SPATA13: variants seen among roughly 807,000 people sequenced by gnomAD.
The protein encoded by SPATA13 is spermatogenesis associated 13.
In SPATA13, 50 loss-of-function variants were observed where a neutral mutation model predicts 104.0. The ratio of observed to expected loss-of-function variants is 0.48; its 90% CI spans 0.38 to 0.61. The LOEUF is 0.61. Among genes scored for constraint, SPATA13 ranks in the 20% least tolerant of loss-of-function variants. The probability of loss-of-function intolerance (pLI) is 0.00; values close to 1 mark genes in which losing one functional copy is unlikely to be tolerated. For synonymous variants in SPATA13, 606 were observed against 667.5 expected (o/e 0.91, Z 1.42); for missense variants, 1,524 against 1,690.6 (o/e 0.90, Z 1.73).
intron 1 of SPATA13, among the ~76,000 whole-genome samples, chr13:24,191,120 T>C (rs1162242931): frequency 1.3e-5 from 2 of 152,120 alleles, no homozygotes; most frequent in Admixed American, 1.3e-4. Flanking sequence ...TCTTTTTAAA[T>C]TTATTAATTA....
chr13:24,017,121 GTA>G (rs148023450), intron 2 of SPATA13, among the ~76,000 whole-genome samples: 301 of 152,310 alleles, frequency 2.0e-3, no homozygotes, highest in African/African-American at 6.9e-3. Flanking sequence ...GAGAGTTGAG[GTA>G]ACATCAGTAG....
chr13:24,123,350 GA>G, intron 3 of SPATA13: 5 of 1,320,544 alleles, frequency 3.8e-6, no homozygotes, highest in Non-Finnish European at 5.5e-6. Flanking sequence ...TCACTTCACA[GA>G]AATAGTGAAT....
In SPATA13 at chr13:24,302,803, G is replaced by C; in HGVS notation, c.*30G>C. The C allele has an allele frequency of 6.2e-7, 1 of 1,613,784 alleles. No homozygotes were observed. The highest frequency in any genetic ancestry group is 1.1e-5 in the South Asian group (1 of 91,082). On this transcript the variant is annotated 3_prime_UTR_variant, in exon 13 of 13. Transcript: ENST00000382108. ...AGGAGGCTGTGCTTCCATGGAGCTG[G>C]GTGTCAAGAGAAGAACTGTCTTTGT...
chr13:24,082,806 G>T lies in SPATA13; in HGVS notation c.-112+65105G>T, dbSNP rs954277480. Among the ~76,000 whole-genome samples the T allele has an allele frequency of 4.5e-5, 5 of 112,130 alleles. No individual in the cohort carries two copies. In the South Asian group the frequency reaches 9.8e-4, roughly 22 times the overall value. The allele number at this position is 112,130 out of a possible 152,430, so 73.6% of individuals were successfully genotyped here. ...CTGCAGTCCGCAGTCCGGCCTGGGC[G>T]ACAGAGCGAGACTCCGTCTCAAAAA... On this transcript the variant is annotated intron_variant, in intron 3 of 14. Transcript: ENST00000424834.
intron 3 of SPATA13, among the ~76,000 whole-genome samples, chr13:24,065,621 T>TGC (rs2137759519): frequency 7.2e-6 from 1 of 138,462 alleles, no homozygotes; most frequent in South Asian, 2.4e-4. Context: ...GAGAGAGACG[T>TGC]CCCCTAAGCC....
intron 3 of SPATA13, among the ~76,000 whole-genome samples, chr13:24,024,156 A>T: frequency 6.6e-6 from 1 of 152,212 alleles, no homozygotes; most frequent in Non-Finnish European, 1.5e-5. Flanking sequence ...CTACACAGAC[A>T]TTGGTAGAAG....
rs78628565 is a variant in SPATA13 at position 24,072,171 on chromosome 13, T to C, written c.-112+54470T>C. Among the ~76,000 whole-genome samples, 550 of 152,324 alleles carry C rather than the reference T, an allele frequency of 3.6e-3. 15 individuals are homozygous for C. The East Asian group carries it at 0.062, about 17-fold the overall frequency. On this transcript the variant is annotated intron_variant, in intron 3 of 14. Coordinates refer to the SPATA13 transcript ENST00000424834. ...AAAGGCTAAATGTGTTCTTAGAATG[T>C]AAAATGGCTTGTAACTAACCCTAGA...
At chr13:23,990,290 G>T (rs948543421) in intron 2 of SPATA13, among the ~76,000 whole-genome samples, 1 of 152,056 alleles carries the variant, frequency 6.6e-6, no homozygotes, top group African/African-American at 2.4e-5. Flanking sequence ...CATATCCCTG[G>T]CCAAAACCCT....
At chr13:24,000,535 C>T (rs1240763301) in intron 2 of SPATA13, among the ~76,000 whole-genome samples, 1 of 152,102 alleles carries the variant, frequency 6.6e-6, no homozygotes, top group East Asian at 1.9e-4. Context: ...GGAAGACAGG[C>T]CACAAACCAA....
At chr13:24,090,680 A>G (rs919176385) in intron 3 of SPATA13, among the ~76,000 whole-genome samples, 1 of 152,166 alleles carries the variant, frequency 6.6e-6, no homozygotes, top group Non-Finnish European at 1.5e-5. Flanking sequence ...ATTTGATAAG[A>G]CATCATCCTT....
Position 24,014,879 on chromosome 13 carries a change from A to ATTTTTTTT in SPATA13, c.-146-2766_-146-2759dup, listed in dbSNP as rs10566756. On this transcript the variant is annotated intron_variant, in intron 2 of 14. Coordinates refer to the SPATA13 transcript ENST00000424834. ...AGGTTCCCTTTTTGGCACTTTCTGGATTTTTTTTTTTTTTTTTTTTTTTTT... is the reference window on the plus strand; with the variant it reads ...AGGTTCCCTTTTTGGCACTTTCTGGATTTTTTTTTTTTTTTTTTTTTTTTTTTTTTTTT... 2.8e-4 allele frequency among the ~76,000 whole-genome samples: 22 copies of ATTTTTTTT among 78,698 alleles called. 3 individuals carry two copies. The highest frequency in any genetic ancestry group is 3.8e-4 in the Non-Finnish European group (16 of 42,032). The allele number at this position is 78,698 out of a possible 152,430, so 51.6% of individuals were successfully genotyped here.
At chr13:24,115,530 C>G (rs1434908919) in intron 3 of SPATA13, among the ~76,000 whole-genome samples, 1 of 152,274 alleles carries the variant, frequency 6.6e-6, no homozygotes, top group East Asian at 1.9e-4. Flanking sequence ...TAACTAATGC[C>G]TGATGATTTG....
chr13:24,241,890 A>G (rs1410460575), intron 2 of SPATA13, among the ~76,000 whole-genome samples: 4 of 152,132 alleles, frequency 2.6e-5, no homozygotes, highest in Non-Finnish European at 5.9e-5. Flanking sequence ...CTATCTCTAC[A>G]GAAAATTTAA....
chr13:24,013,706 C>CTT (rs59130588), intron 2 of SPATA13, among the ~76,000 whole-genome samples: 75 of 135,846 alleles, frequency 5.5e-4, no homozygotes, highest in African/African-American at 1.8e-3. Context: ...TTTTTTTCCA[C>CTT]TTTTTTTTTT....
intron 9 of SPATA13, 46 bp from the exon 10 acceptor site, chr13:24,294,693 T>C: frequency 6.5e-7 from 1 of 1,543,590 alleles, no homozygotes; most frequent in Non-Finnish European, 8.9e-7. Flanking sequence ...AGTCCTCATT[T>C]GTAAGGTGCA....
intron 2 of SPATA13, among the ~76,000 whole-genome samples, chr13:24,236,824 A>G (rs897245227): frequency 3.9e-5 from 6 of 152,160 alleles, no homozygotes; most frequent in Non-Finnish European, 8.8e-5. Context: ...GCTGTGAAAA[A>G]CAGTGTGCTG....
chr13:24,174,379 T>C (rs895809592), intron 1 of SPATA13, among the ~76,000 whole-genome samples: 1 of 151,914 alleles, frequency 6.6e-6, no homozygotes, highest in Non-Finnish European at 1.5e-5. Flanking sequence ...GCTTTAGGCT[T>C]AGTTTGCTTT....
At chr13:24,187,108 C>T (rs929697217) in intron 1 of SPATA13, among the ~76,000 whole-genome samples, 4 of 152,106 alleles carry the variant, frequency 2.6e-5, no homozygotes, top group Admixed American at 6.6e-5. Context: ...AAAGCAATGT[C>T]GTCTGTTTTC....
chr13:24,053,695 G>A (rs1416203939), intron 3 of SPATA13, among the ~76,000 whole-genome samples: 2 of 152,104 alleles, frequency 1.3e-5, no homozygotes, highest in African/African-American at 2.4e-5. Flanking sequence ...ATCTGCTGAC[G>A]TGAGGAAGGC....
Sources: allele counts gnomAD v4.1 joint callset (sites outside exome capture counted in the v4.1 genomes callset), GRCh38; gene constraint gnomAD v4.1.1; transcripts MANE v1.5; gene names NCBI Gene and HGNC (gene_info 2026-07-23, HGNC 2026-07-21).